XK: variants seen among roughly 807,000 people sequenced by gnomAD.
XK encodes endoplasmic reticulum membrane adapter protein XK.
XK carries 2 observed loss-of-function variants against 14.0 expected under a neutral mutation model. The ratio of observed to expected loss-of-function variants is 0.14; its 90% CI spans 0.06 to 0.45. The LOEUF (loss-of-function observed/expected upper bound fraction) is 0.45, where lower values mean the gene tolerates loss of function less well. Ranked by LOEUF, XK falls within the 20% of genes least tolerant of loss-of-function variation. The pLI is 0.98. For missense variants in XK, 235 were observed against 341.5 expected, an observed-to-expected ratio of 0.69 and a Z score of 2.46; for synonymous variants, 149 against 147.5, an observed-to-expected ratio of 1.01 and a Z score of -0.08.
At chrX:37,706,253 G>C (rs1927523643) in intron 2 of XK, among the ~76,000 whole-genome samples, 1 of 111,748 alleles carries the variant, frequency 8.9e-6, no homozygotes, top group African/African-American at 3.3e-5. Context: ...AATGGTTGTA[G>C]CTTGGCTATC....
Position 37,707,691 on chromosome X carries a change from G to A in XK, c.508+13143G>A, listed in dbSNP as rs1282094168. ...CTCCTCACTTCCTAGATGGGATGGC[G>A]GCCGGGAAGAGGCGCTCCTCACTTC... is the stretch of plus-strand genomic sequence containing the variant. On this transcript the variant is annotated intron_variant, in intron 2 of 2. Coordinates refer to ENST00000378616, the MANE Select transcript of XK (RefSeq NM_021083.4). Among the ~76,000 whole-genome samples the A allele has an allele frequency of 1.7e-4, 19 of 108,737 alleles. No homozygotes were observed. In the East Asian group the frequency reaches 1.8e-3, roughly 10 times the overall value. 94.4% of individuals were successfully genotyped at this position (108,737 alleles called of 115,157 possible).
At chrX:37,727,421 G>A (rs1927997715) in intron 2 of XK, among the ~76,000 whole-genome samples, 1 of 111,227 alleles carries the variant, frequency 9.0e-6, no homozygotes, top group Non-Finnish European at 1.9e-5. Flanking sequence ...TTAATTCTTG[G>A]CACTTCAGCC....
At chrX:37,720,936 C>T (rs1234762392) in intron 2 of XK, among the ~76,000 whole-genome samples, 1 of 111,314 alleles carries the variant, frequency 9.0e-6, no homozygotes, top group East Asian at 2.8e-4. Flanking sequence ...TAGTTTGATT[C>T]CATATCTTTA....
intron 2 of XK, among the ~76,000 whole-genome samples, chrX:37,716,551 A>C (rs1211042683): frequency 1.8e-5 from 2 of 111,523 alleles, no homozygotes; most frequent in African/African-American, 6.5e-5. Flanking sequence ...GGAGGATCTA[A>C]TGGCCATGCT....
Position 37,729,030 on chromosome X carries a change from A to G in XK, c.*568A>G, listed in dbSNP as rs1483592794. 1 of 113,105 alleles carries G rather than the reference A, an allele frequency of 8.8e-6. No individual in the cohort carries two copies. Among genetic ancestry groups the G allele is most frequent in the Non-Finnish European group, 1.8e-5 (1 of 54,146 alleles). The allele number at this position is 113,105 out of a possible 1,213,427, so 9.3% of individuals were successfully genotyped here. On this transcript the variant is annotated 3_prime_UTR_variant, in exon 3 of 3. Coordinates refer to ENST00000378616, the MANE Select transcript of XK (RefSeq NM_021083.4). ...GGCTTTTTTGTACATAGCCAACTGT[A>G]GCCACCCTGGCATGCTGTCTCTAAT... is the stretch of plus-strand genomic sequence containing the variant.
intron 1 of XK, among the ~76,000 whole-genome samples, chrX:37,687,227 G>GCA (rs1182156394): frequency 3.9e-5 from 3 of 76,284 alleles, no homozygotes; most frequent in African/African-American, 5.9e-5. Flanking sequence ...ACACACACAC[G>GCA]CACACACACA....
chrX:37,703,309 C>T (rs1166085780), intron 2 of XK, among the ~76,000 whole-genome samples: 3 of 111,720 alleles, frequency 2.7e-5, no homozygotes, highest in Admixed American at 9.5e-5. Context: ...ATTAAGGAAA[C>T]CAATTAGCAT....
Position 37,707,331 on chromosome X carries a change from G to A in XK, c.508+12783G>A, listed in dbSNP as rs782657425. On this transcript the variant is annotated intron_variant, in intron 2 of 2. Coordinates refer to ENST00000378616, the MANE Select transcript of XK (RefSeq NM_021083.4). ...GCTGACCCCCACCTCCCTCCCGGAC[G>A]GGGTGGCTGCCGGGCGGAGATGCTC... Among the ~76,000 whole-genome samples the A allele has an allele frequency of 5.4e-5, 6 of 110,810 alleles. No individual in the cohort carries two copies. The South Asian group carries it at 2.0e-3, about 36-fold the overall frequency.
At position 37,686,053 on chromosome X, in the gene XK, G is replaced by A. The variant is rs890996506; in HGVS notation, c.92G>A (p.Gly31Asp). The A allele has an allele frequency of 1.7e-6, 2 of 1,211,459 alleles. No individual in the cohort carries two copies. The highest frequency in any genetic ancestry group is 4.8e-4 in the Middle Eastern group (2 of 4,188). ...AGCCTGAGCAGCACCTACCGCTCGGGCGGGGACCGCATGTGGCAGGCGCTG... is the reference window on the plus strand; with the variant it reads ...AGCCTGAGCAGCACCTACCGCTCGGACGGGGACCGCATGTGGCAGGCGCTG... ...ALSLSSTYRSGGDRMWQALTL... is the reference protein window; with the variant it reads ...ALSLSSTYRSDGDRMWQALTL... Residue 31 changes from glycine (G) to aspartate (D), a missense_variant, in exon 1 of 3, where the codon GGC becomes GAC. Physicochemically the swap from Gly to Asp is moderately conservative, Grantham distance 94. Coordinates refer to ENST00000378616, the MANE Select transcript of XK (RefSeq NM_021083.4).
intron 2 of XK, among the ~76,000 whole-genome samples, chrX:37,720,517 C>G (rs782315042): frequency 9.1e-6 from 1 of 110,218 alleles, no homozygotes; most frequent in Non-Finnish European, 1.9e-5. Flanking sequence ...TCCTTTTTTT[C>G]TTTTCCTTTT....
intron 2 of XK, among the ~76,000 whole-genome samples, chrX:37,710,941 G>T (rs906087389): frequency 2.7e-5 from 3 of 112,037 alleles, no homozygotes; most frequent in Non-Finnish European, 5.6e-5. Context: ...GGGACAGTCA[G>T]TCTAATTGAC....
intron 2 of XK, among the ~76,000 whole-genome samples, chrX:37,702,460 G>A (rs1197136864): frequency 9.8e-5 from 11 of 112,336 alleles, no homozygotes; most frequent in Non-Finnish European, 2.1e-4. Context: ...CAATCTGGAT[G>A]GCAGATAGGT....
At chrX:37,721,534 A>G (rs187681499) in intron 2 of XK, among the ~76,000 whole-genome samples, 2 of 111,622 alleles carry the variant, frequency 1.8e-5, no homozygotes, top group East Asian at 5.6e-4. Flanking sequence ...GGCTAGAATA[A>G]AAAAGTTAGA....
At chrX:37,688,402 G>T (rs1198263938) in intron 1 of XK, among the ~76,000 whole-genome samples, 1 of 111,043 alleles carries the variant, frequency 9.0e-6, no homozygotes, top group Non-Finnish European at 1.9e-5. Context: ...GAAGAAAACA[G>T]ATAATGTTTA....
At chrX:37,722,931 C>A (rs1209022102) in intron 2 of XK, among the ~76,000 whole-genome samples, 1 of 111,394 alleles carries the variant, frequency 9.0e-6, no homozygotes, top group Non-Finnish European at 1.9e-5. Context: ...CAAATCCATG[C>A]CTAGTGACAA....
chrX:37,709,162 C>T (rs1927610553), intron 2 of XK, among the ~76,000 whole-genome samples: 1 of 111,834 alleles, frequency 8.9e-6, no homozygotes, highest in Non-Finnish European at 1.9e-5. Context: ...GATAGAGCCT[C>T]TTTGTAGCAT....
chrX:37,707,502 G>A (rs1383043905), intron 2 of XK, among the ~76,000 whole-genome samples: 24 of 105,420 alleles, frequency 2.3e-4, no homozygotes, highest in Non-Finnish European at 3.9e-4. Flanking sequence ...GGCGGCTGCC[G>A]GGCGGAAGGG....
rs1556451214 is a variant in XK, at chrX:37,731,653, T to C, written c.*3191T>C. ...ATTCATATGAGTTCCTGAGTGGATATGCGAATCTTTGGTCTTCTCGACAGG... is the reference window on the plus strand; with the variant it reads ...ATTCATATGAGTTCCTGAGTGGATACGCGAATCTTTGGTCTTCTCGACAGG... On this transcript the variant is annotated 3_prime_UTR_variant, in exon 3 of 3. Transcript: ENST00000378616. The C allele has an allele frequency of 1.8e-5, 2 of 112,130 alleles. No individual in the cohort carries two copies. The highest frequency in any genetic ancestry group is 9.5e-5 in the Admixed American group (1 of 10,568). 9.2% of individuals were successfully genotyped at this position (112,130 alleles called of 1,213,427 possible).
chrX:37,688,267 C>G (rs989173631), intron 1 of XK, among the ~76,000 whole-genome samples: 1 of 109,202 alleles, frequency 9.2e-6, no homozygotes, highest in African/African-American at 3.3e-5. Context: ...GGGGTTTCAC[C>G]GTGCCAGCCA....
Sources: gnomAD v4.1 joint callset for allele counts (sites outside exome capture counted in the v4.1 genomes callset) on GRCh38, gnomAD v4.1.1 for gene constraint, MANE v1.5 for transcripts, NCBI Gene and HGNC (gene_info 2026-07-23, HGNC 2026-07-21) for gene names.